S100P: variants seen among roughly 807,000 people sequenced by gnomAD.
The protein encoded by S100P is S100 calcium binding protein P.
S100P carries 7 observed loss-of-function variants against 4.7 expected under a neutral mutation model. The ratio of observed to expected loss-of-function variants is 1.48; its 90% CI spans 0.84 to 2.77. The LOEUF is 2.77. Ranked by LOEUF, S100P falls within the 30% of genes most tolerant of loss-of-function variation. The pLI, the probability that S100P is intolerant of heterozygous loss-of-function variation, is 0.00. For synonymous variants in S100P, 48 were observed against 49.0 expected, an observed-to-expected ratio of 0.98 and a Z score of 0.08; for missense variants, 122 against 120.6, an observed-to-expected ratio of 1.01 and a Z score of -0.06.
chr4:6,695,815 TGGG>T, intron 1 of S100P, among the ~76,000 whole-genome samples: 1 of 152,178 alleles, frequency 6.6e-6, no homozygotes, highest in South Asian at 2.1e-4. Flanking sequence ...AGGGCTGGGC[TGGG>T]CTGGCCTTCT....
rs1408014776 is a variant in S100P, at chr4:6,696,934, C to T, written c.180C>T (p.Asp60=). 1.2e-6 allele frequency: 2 copies of T among 1,613,996 alleles called. No individual in the cohort carries two copies. Among genetic ancestry groups the T allele is most frequent in the Middle Eastern group, 1.7e-4 (1 of 6,060 alleles). ...DKDAVDKLLK[D]LDANGDAQVD... is the part of the protein sequence containing the mutation. The stretch of plus-strand genomic sequence containing the variant: ...ATGCCGTGGATAAATTGCTCAAGGA[C>T]CTGGACGCCAATGGAGATGCCCAGG... Residue 60 remains aspartate (D), a synonymous_variant, in exon 2 of 2, where the codon GAC becomes GAT. Transcript: ENST00000296370.
chr4:6,693,932 C>A lies in S100P; in HGVS notation c.-1C>A. On this transcript the variant is annotated 5_prime_UTR_variant, in exon 1 of 2. Coordinates refer to ENST00000296370, the MANE Select transcript of S100P (RefSeq NM_005980.3). ...AGGAAGGTGGGTCTGAATCTAGCAC[C>A]ATGACGGAACTAGAGACAGCCATGG... 1 of 1,614,162 alleles carries A rather than the reference C, an allele frequency of 6.2e-7. No homozygotes were observed. The highest frequency in any genetic ancestry group is 8.5e-7 in the Non-Finnish European group (1 of 1,180,032).
Position 6,693,971 on chromosome 4 carries a change from C to T in S100P, c.39C>T (p.Asp13=), listed in dbSNP as rs146007022. 5.9e-4 allele frequency: 953 copies of T among 1,614,042 alleles called. 2 individuals are homozygous for T. The highest frequency in any genetic ancestry group is 7.1e-4 in the South Asian group (65 of 91,088). The change falls in exon 1 of 2, where the codon GAC becomes GAT. Residue 13 remains aspartate, a synonymous_variant. Coordinates refer to ENST00000296370, the MANE Select transcript of S100P (RefSeq NM_005980.3). ...ELETAMGMII[D]VFSRYSGSEG... is the part of the protein sequence containing the mutation. ...AGACAGCCATGGGCATGATCATAGA[C>T]GTCTTTTCCCGATATTCGGGCAGCG...
At chr4:6,695,643 C>T (rs1248921564) in intron 1 of S100P, among the ~76,000 whole-genome samples, 1 of 152,176 alleles carries the variant, frequency 6.6e-6, no homozygotes, top group Non-Finnish European at 1.5e-5. Context: ...CACAGGTGTC[C>T]TGGGAACACA....
intron 1 of S100P, among the ~76,000 whole-genome samples, chr4:6,695,888 A>G (rs1042218952): frequency 6.6e-6 from 1 of 152,180 alleles, no homozygotes; most frequent in Non-Finnish European, 1.5e-5. Context: ...TGTAAATACG[A>G]GGTGACTGTC....
intron 1 of S100P, among the ~76,000 whole-genome samples, chr4:6,694,566 C>A (rs1053935525): frequency 2.0e-5 from 3 of 152,152 alleles, no homozygotes; most frequent in African/African-American, 4.8e-5. Flanking sequence ...GCAGGAAGGA[C>A]GGGAGGAGGC....
rs771396235 is a variant in S100P, at chr4:6,694,040, G to T, written c.108G>T (p.Leu36=). The change falls in exon 1 of 2, where the codon CTG becomes CTT. Residue 36 remains leucine, a synonymous_variant. Coordinates refer to ENST00000296370, the MANE Select transcript of S100P (RefSeq NM_005980.3). ...QTLTKGELKV[L]MEKELPGFLQ... ...TGACCAAGGGGGAGCTCAAGGTGCT[G>T]ATGGAGAAGGAGCTACCAGGCTTCC... 2 of 1,613,376 alleles carry T rather than the reference G, an allele frequency of 1.2e-6. No individual in the cohort carries two copies. Among genetic ancestry groups the T allele is most frequent in the Admixed American group, 3.3e-5 (2 of 59,970 alleles).
In S100P at chr4:6,695,373, C is replaced by T. The variant is rs182455382; in HGVS notation, c.138+1303C>T. ...ATAAATATGGAGGGAAGAAATCCCC[C>T]CTGGAATACAGACGCTTCCTCTCCC... On this transcript the variant is annotated intron_variant, in intron 1 of 1. Transcript: ENST00000296370. 1.4e-3 allele frequency among the ~76,000 whole-genome samples: 219 copies of T among 152,278 alleles called. 1 individual carries two copies. The highest frequency in any genetic ancestry group is 2.2e-3 in the Non-Finnish European group (150 of 68,006).
Position 6,696,789 on chromosome 4 carries a change from C to T in S100P, c.139-104C>T, listed in dbSNP as rs1220104878. The T allele has an allele frequency of 9.9e-5, 66 of 666,368 alleles. No individual in the cohort carries two copies. The Middle Eastern group carries it at 1.3e-3, about 13-fold the overall frequency. The allele number at this position is 666,368 out of a possible 1,614,324, so 41.3% of individuals were successfully genotyped here. A position where few individuals can be genotyped will look rare whatever the true frequency, so the allele number is the denominator to read the frequency against. Reference sequence around the variant, plus strand: ...GCCCTGGCCCTGACAGCAAAGGTGACGCAGATGTGGGTGCCCTGCTCCTGC... The same window carrying T: ...GCCCTGGCCCTGACAGCAAAGGTGATGCAGATGTGGGTGCCCTGCTCCTGC... On this transcript the variant is annotated intron_variant, in intron 1 of 1. Transcript: ENST00000296370.
intron 1 of S100P, among the ~76,000 whole-genome samples, chr4:6,694,967 CTTTTTTT>C (rs59304723): frequency 1.4e-5 from 2 of 141,878 alleles, no homozygotes; most frequent in South Asian, 4.4e-4. Context: ...CTTTTCTTTT[CTTTTTTT>C]TTTTTTTTGA....
chr4:6,695,886 C>T (rs1332306837), intron 1 of S100P, among the ~76,000 whole-genome samples: 2 of 152,216 alleles, frequency 1.3e-5, no homozygotes, highest in South Asian at 2.1e-4. Flanking sequence ...TTTGTAAATA[C>T]GAGGTGACTG....
Position 6,696,946 on chromosome 4 carries a change from T to C in S100P, c.192T>C (p.Asn64=). Residue 64 remains asparagine (N), a synonymous_variant, in exon 2 of 2, where the codon AAT becomes AAC. Coordinates refer to ENST00000296370, the MANE Select transcript of S100P (RefSeq NM_005980.3). ...VDKLLKDLDA[N]GDAQVDFSEF... ...AATTGCTCAAGGACCTGGACGCCAA[T>C]GGAGATGCCCAGGTGGACTTCAGTG... The C allele has an allele frequency of 3.7e-6, 6 of 1,612,592 alleles. No homozygotes were observed. Among genetic ancestry groups the C allele is most frequent in the Non-Finnish European group, 5.1e-6 (6 of 1,178,600 alleles).
chr4:6,695,185 C>G (rs945422491), intron 1 of S100P, among the ~76,000 whole-genome samples: 1 of 152,078 alleles, frequency 6.6e-6, no homozygotes, highest in African/African-American at 2.4e-5. Flanking sequence ...AGGCTGGTCT[C>G]AAACTCCTGT....
chr4:6,694,495 A>G (rs1316927025), intron 1 of S100P, among the ~76,000 whole-genome samples: 1 of 152,070 alleles, frequency 6.6e-6, no homozygotes, highest in Non-Finnish European at 1.5e-5. Flanking sequence ...TCTGCCTCCC[A>G]CTTGCCCGCT....
intron 1 of S100P, among the ~76,000 whole-genome samples, chr4:6,696,028 T>G (rs545888635): frequency 7.3e-4 from 111 of 152,358 alleles, no homozygotes; most frequent in African/African-American, 2.6e-3. Context: ...ATGCTGTCAC[T>G]AAGGTCTTCA....
At chr4:6,696,383 G>A (rs1166476781) in intron 1 of S100P, among the ~76,000 whole-genome samples, 1 of 152,188 alleles carries the variant, frequency 6.6e-6, no homozygotes. Flanking sequence ...CTTCAGGGCA[G>A]GTCCCTTGGG....
At chr4:6,694,163 C>T (rs1168712155) in intron 1 of S100P, 93 bp downstream of exon 1, 7 of 1,260,860 alleles carry the variant, frequency 5.6e-6, no homozygotes, top group South Asian at 1.5e-5. Flanking sequence ...GTGGGGTCGG[C>T]GGTCAAGGGG....
chr4:6,694,831 A>G (rs1253294101), intron 1 of S100P, among the ~76,000 whole-genome samples: 1 of 151,348 alleles, frequency 6.6e-6, no homozygotes, highest in Non-Finnish European at 1.5e-5. Flanking sequence ...GGGCCCCACC[A>G]GACTCTGCCT....
intron 1 of S100P, among the ~76,000 whole-genome samples, chr4:6,695,611 C>T (rs1714354463): frequency 6.6e-6 from 1 of 152,186 alleles, no homozygotes; most frequent in African/African-American, 2.4e-5. Context: ...ATCCAAGATA[C>T]TGGGGTGTGG....
Sources: gnomAD v4.1 joint callset for allele counts (sites outside exome capture counted in the v4.1 genomes callset) on GRCh38, gnomAD v4.1.1 for gene constraint, MANE v1.5 for transcripts, NCBI Gene and HGNC (gene_info 2026-07-23, HGNC 2026-07-21) for gene names.